The following TBC1D21 variants were observed in gnomAD, a reference collection of about 807,000 sequenced individuals.
The protein encoded by TBC1D21 is male germ cell Rab GTPase-activating protein.
A neutral mutation model predicts 46.0 loss-of-function variants in TBC1D21; 38 were observed. That is an observed-to-expected ratio of 0.83 (90% CI 0.64 to 1.08). The LOEUF is 1.08. TBC1D21 is among the 50% of genes least tolerant of loss of function. The probability of loss-of-function intolerance (pLI) is 0.00; values close to 1 mark genes in which losing one functional copy is unlikely to be tolerated. For synonymous variants in TBC1D21, 151 were observed against 157.2 expected (o/e 0.96, Z 0.29); for missense variants, 415 against 417.9 (o/e 0.99, Z 0.06).
rs539517539 is a variant in TBC1D21 at position 73,876,199 on chromosome 15, GTTTTTT to G, written c.60+2471_60+2476del. 3.1e-3 allele frequency among the ~76,000 whole-genome samples: 89 copies of G among 28,326 alleles called. 5 individuals are homozygous for G. The highest frequency in any genetic ancestry group is 6.0e-3 in the Non-Finnish European group (32 of 5,338). The allele number at this position is 28,326 out of a possible 152,430, so 18.6% of individuals were successfully genotyped here. ...GAAGAATCAGTGACTTTTTTTGTGGGTTTTTTTTTTTTTTTTTTTTTTTTTTTTTTT... is the reference window on the plus strand; with the variant it reads ...GAAGAATCAGTGACTTTTTTTGTGGGTTTTTTTTTTTTTTTTTTTTTTTTT... On this transcript the variant is annotated intron_variant, in intron 1 of 10. Coordinates refer to ENST00000300504, the MANE Select transcript of TBC1D21 (RefSeq NM_153356.3).
chr15:73,884,087 G>T, intron 3 of TBC1D21, 64 bp from the exon 4 acceptor site: 3 of 1,345,048 alleles, frequency 2.2e-6, no homozygotes, highest in Admixed American at 3.5e-5. Context: ...AGCTGCAGCT[G>T]CTCATTCACC....
chr15:73,890,282 C>T (rs2141588967), downstream of TBC1D21, among the ~76,000 whole-genome samples: 1 of 152,280 alleles, frequency 6.6e-6, no homozygotes, highest in South Asian at 2.1e-4. Context: ...CGACAGTCTC[C>T]CATCCAGGAC....
At chr15:73,898,879 AAATAT>A in the TBC1D21 span, among the ~76,000 whole-genome samples, 9 of 112,940 alleles carry the variant, frequency 8.0e-5, no homozygotes, top group African/African-American at 3.4e-4. Flanking sequence ...AAAAAAAAAA[AAATAT>A]ATATATATAT....
the TBC1D21 span, among the ~76,000 whole-genome samples, chr15:73,906,586 G>T: frequency 1.2e-4 from 19 of 152,148 alleles, no homozygotes; most frequent in African/African-American, 4.1e-4. Flanking sequence ...GAGGAGGCAG[G>T]TTCTTGCCTC....
At chr15:73,901,145 C>T in the TBC1D21 span, among the ~76,000 whole-genome samples, 7 of 152,170 alleles carry the variant, frequency 4.6e-5, no homozygotes, top group Admixed American at 1.3e-4. Context: ...GCTGTGCCTC[C>T]GAGGCCTGCT....
the TBC1D21 span, among the ~76,000 whole-genome samples, chr15:73,894,853 A>G: frequency 1.3e-5 from 2 of 152,222 alleles, no homozygotes; most frequent in Non-Finnish European, 2.9e-5. Context: ...CATCAGCCAC[A>G]CTGCTCAAGA....
the TBC1D21 span, among the ~76,000 whole-genome samples, chr15:73,899,739 G>T: frequency 6.6e-6 from 1 of 152,232 alleles, no homozygotes; most frequent in Non-Finnish European, 1.5e-5. Flanking sequence ...TCTGAGCCAG[G>T]GAAGGAATTC....
chr15:73,892,331 C>G (rs1375898368), downstream of TBC1D21, among the ~76,000 whole-genome samples: 4 of 152,204 alleles, frequency 2.6e-5, no homozygotes, highest in African/African-American at 4.8e-5. Flanking sequence ...AGCTATAACA[C>G]AAAGAGGGCT....
rs765385847 is a variant in TBC1D21, at chr15:73,886,546, C to T, written c.711C>T (p.Phe237=). 6 of 1,613,642 alleles carry T rather than the reference C, an allele frequency of 3.7e-6. No homozygotes were observed. The highest frequency in any genetic ancestry group is 3.3e-5 in the Admixed American group (2 of 60,012). ...GTGCAGGGGCTGTGCAGTCCCTCTT[C>T]CCCTGGTTCTGCTTCTGCTTCCAGC... The part of the protein sequence containing the change: ...GKGAGAVQSL[F]PWFCFCFQRA... Residue 237 remains phenylalanine (F), a synonymous_variant, in exon 8 of 11, where the codon TTC becomes TTT. Coordinates refer to ENST00000300504, the MANE Select transcript of TBC1D21 (RefSeq NM_153356.3).
rs1490978894 is a variant in TBC1D21, at chr15:73,886,183, T to G, written c.676+9T>G. 1 of 1,613,410 alleles carries G rather than the reference T, an allele frequency of 6.2e-7. No homozygotes were observed. The highest frequency in any genetic ancestry group is 1.1e-5 in the South Asian group (1 of 91,052). ...GTTTGCTGAGCACCTAAGTGAGTGG[T>G]TCCCACCTCCTGCCACCTCACGCAC... On this transcript the variant is annotated intron_variant, in intron 7 of 10. Transcript: ENST00000300504.
intron 1 of TBC1D21, among the ~76,000 whole-genome samples, chr15:73,878,870 C>T (rs2068106435): frequency 6.6e-6 from 1 of 152,200 alleles, no homozygotes; most frequent in South Asian, 2.1e-4. Context: ...CTTCCTGCCA[C>T]ATTGCATGCT....
At chr15:73,897,007 G>T in the TBC1D21 span, among the ~76,000 whole-genome samples, 1 of 152,158 alleles carries the variant, frequency 6.6e-6, no homozygotes, top group Non-Finnish European at 1.5e-5. Flanking sequence ...ATTGACAAAC[G>T]TCTTCTCAGG....
At chr15:73,873,908 C>T in intron 1 of TBC1D21, 139 bp downstream of exon 1, 2 of 947,978 alleles carry the variant, frequency 2.1e-6, no homozygotes, top group Non-Finnish European at 1.6e-6. Flanking sequence ...GTACCTTACT[C>T]TTACCATCAG....
At chr15:73,893,671 C>A (rs1028407613), downstream of TBC1D21, among the ~76,000 whole-genome samples, 1 of 152,176 alleles carries the variant, frequency 6.6e-6, no homozygotes, top group African/African-American at 2.4e-5. Flanking sequence ...TGTTACCCCC[C>A]TCAGAGAGGA....
the TBC1D21 span, among the ~76,000 whole-genome samples, chr15:73,899,698 C>T: frequency 1.9e-3 from 293 of 152,162 alleles, 1 homozygote; most frequent in African/African-American, 6.8e-3. Context: ...CGCTAAATGC[C>T]GAGCCTGGAC....
At chr15:73,898,902 T>TATATATATATATATATATATATATAC in the TBC1D21 span, among the ~76,000 whole-genome samples, 29 of 112,822 alleles carry the variant, frequency 2.6e-4, no homozygotes, top group South Asian at 3.0e-4. Context: ...TATATATATA[T>TATATATATATATATATATATATATAC]ACACACACAC....
At chr15:73,893,825 T>G (rs2068355489), downstream of TBC1D21, among the ~76,000 whole-genome samples, 1 of 152,234 alleles carries the variant, frequency 6.6e-6, no homozygotes, top group East Asian at 1.9e-4. Flanking sequence ...AGGAAGGGCC[T>G]CCACTGCCCA....
At chr15:73,906,486 T>A in the TBC1D21 span, among the ~76,000 whole-genome samples, 2 of 152,084 alleles carry the variant, frequency 1.3e-5, no homozygotes, top group Non-Finnish European at 2.9e-5. Context: ...GAAAGAAGGA[T>A]GAGGGACCAG....
intron 1 of TBC1D21, among the ~76,000 whole-genome samples, chr15:73,880,321 C>CACACACAT (rs1451858511): frequency 1.3e-5 from 2 of 151,782 alleles, no homozygotes; most frequent in Non-Finnish European, 2.9e-5. Context: ...CACACACACA[C>CACACACAT]ACACACACCC....
Sources: allele counts gnomAD v4.1 joint callset (sites outside exome capture counted in the v4.1 genomes callset), GRCh38; gene constraint gnomAD v4.1.1; transcripts MANE v1.5; gene names NCBI Gene and HGNC (gene_info 2026-07-23, HGNC 2026-07-21).